Variants in MYO9A observed in about 807,000 individuals in gnomAD.
The protein encoded by MYO9A is myosin IXA.
MYO9A carries 103 observed loss-of-function variants against 293.3 expected under a neutral mutation model. That is an observed-to-expected ratio of 0.35 (90% CI 0.30 to 0.41). MYO9A has a LOEUF of 0.41. Among genes scored for constraint, MYO9A ranks in the 10% least tolerant of loss-of-function variants. MYO9A has a pLI of 1.00. For missense variants in MYO9A, 2,685 were observed against 3,033.0 expected (o/e 0.89, Z 2.69); for synonymous variants, 1,001 against 1,035.7 (o/e 0.97, Z 0.64).
intron 13 of MYO9A, among the ~76,000 whole-genome samples, chr15:71,966,483 T>C (rs1459231234): frequency 6.6e-6 from 1 of 152,152 alleles, no homozygotes; most frequent in Non-Finnish European, 1.5e-5. Flanking sequence ...AGCTTTTGTT[T>C]TACTTTTTAA....
intron 26 of MYO9A, among the ~76,000 whole-genome samples, chr15:71,889,115 G>C (rs1331924188): frequency 6.6e-6 from 1 of 152,160 alleles, no homozygotes; most frequent in Non-Finnish European, 1.5e-5. Context: ...ACAGTGACTA[G>C]AGACCAAAAG....
intron 15 of MYO9A, among the ~76,000 whole-genome samples, chr15:71,942,320 G>C (rs2058799706): frequency 6.6e-6 from 1 of 151,898 alleles, no homozygotes; most frequent in South Asian, 2.1e-4. Context: ...AGAGAATAAG[G>C]ATAAATTTTG....
At chr15:72,032,726 TC>T (rs2077913487) in intron 2 of MYO9A, 138 bp from the exon 3 acceptor site, 1 of 476,226 alleles carries the variant, frequency 2.1e-6, no homozygotes, top group South Asian at 5.7e-5. Flanking sequence ...GCTTGTATGT[TC>T]AGACTCATTC....
chr15:71,836,101 G>A (rs1235974605), intron 39 of MYO9A, among the ~76,000 whole-genome samples: 1 of 151,956 alleles, frequency 6.6e-6, no homozygotes, highest in African/African-American at 2.4e-5. Context: ...GCAAACCATA[G>A]AATGGAAGAA....
chr15:72,041,109 G>A (rs1374533651), intron 2 of MYO9A: 9 of 555,786 alleles, frequency 1.6e-5, no homozygotes, highest in Non-Finnish European at 2.7e-5. Context: ...GCCAGGTGTG[G>A]TGGTACATGC....
At chr15:72,066,085 A>C (rs1034330176) in intron 1 of MYO9A, among the ~76,000 whole-genome samples, 1 of 152,238 alleles carries the variant, frequency 6.6e-6, no homozygotes, top group East Asian at 1.9e-4. Flanking sequence ...ACTGGTGCAC[A>C]TAAGAAGATG....
chr15:72,078,785 A>G (rs1190557989), intron 1 of MYO9A, among the ~76,000 whole-genome samples: 1 of 152,246 alleles, frequency 6.6e-6, no homozygotes, highest in Non-Finnish European at 1.5e-5. Context: ...ACAATAGAAT[A>G]TATTTCAGCA....
In MYO9A at chr15:71,883,492, C is replaced by T. The variant is rs2056933372; in HGVS notation, c.5398+102G>A. The T allele has an allele frequency of 4.8e-6, 6 of 1,252,258 alleles. No homozygotes were observed. The Admixed American group carries it at 1.0e-4, about 21-fold the overall frequency. 77.6% of individuals were successfully genotyped at this position (1,252,258 alleles called of 1,614,324 possible). A position where few individuals can be genotyped will look rare whatever the true frequency, so the allele number is the denominator to read the frequency against. ...GCTGGTCCTATCTCATTAGAACATC[C>T]AGCCAACAGGATTGACATTATGAAT... is the stretch of plus-strand genomic sequence containing the variant. On this transcript the variant is annotated intron_variant, in intron 28 of 41. Coordinates refer to ENST00000356056, the MANE Select transcript of MYO9A (RefSeq NM_006901.4).
chr15:71,838,786 GTTTAAGACATTATTAGGCT>G (rs1328559705), intron 39 of MYO9A, among the ~76,000 whole-genome samples: 1 of 152,126 alleles, frequency 6.6e-6, no homozygotes, highest in Non-Finnish European at 1.5e-5. Context: ...TCAGGAAGCA[GTTTAAGACATTATTAGGCT>G]TATAGAGAGC....
At chr15:71,850,425 G>C (rs1214012441) in intron 37 of MYO9A, among the ~76,000 whole-genome samples, 1 of 152,126 alleles carries the variant, frequency 6.6e-6, no homozygotes, top group Non-Finnish European at 1.5e-5. Context: ...AGGGAAATTT[G>C]TGACCTACCT....
intron 8 of MYO9A, among the ~76,000 whole-genome samples, chr15:72,002,819 A>C (rs1425858582): frequency 6.6e-6 from 1 of 152,196 alleles, no homozygotes; most frequent in Non-Finnish European, 1.5e-5. Context: ...TTATTACTTG[A>C]GTGGGGCTGT....
At chr15:72,013,079 C>G (rs1366898633) in intron 6 of MYO9A, among the ~76,000 whole-genome samples, 4 of 152,006 alleles carry the variant, frequency 2.6e-5, no homozygotes, top group Admixed American at 6.6e-5. Flanking sequence ...ATTTGGGCTC[C>G]CTGGGAGGCA....
intron 26 of MYO9A, chr15:71,890,134 TA>T (rs2057135867): frequency 6.6e-6 from 1 of 152,220 alleles, no homozygotes; most frequent in African/African-American, 2.4e-5. Flanking sequence ...AATAAGCTAA[TA>T]AACAGCTTTG....
At chr15:72,107,840 AG>A (rs2080630154) in intron 1 of MYO9A, among the ~76,000 whole-genome samples, 1 of 151,670 alleles carries the variant, frequency 6.6e-6, no homozygotes, top group Non-Finnish European at 1.5e-5. Context: ...ATACAACAAA[AG>A]TCATGAGACC....
intron 1 of MYO9A, among the ~76,000 whole-genome samples, chr15:72,065,187 A>G (rs995101908): frequency 6.6e-6 from 1 of 152,174 alleles, no homozygotes; most frequent in African/African-American, 2.4e-5. Context: ...CATGAAAGGT[A>G]ATAAAATTAA....
chr15:71,899,668 T>G lies in MYO9A; in HGVS notation c.3470+19A>C. 1 of 1,575,756 alleles carries G rather than the reference T, an allele frequency of 6.3e-7. No individual in the cohort carries two copies. The highest frequency in any genetic ancestry group is 1.2e-5 in the South Asian group (1 of 84,754). The stretch of plus-strand genomic sequence containing the variant: ...TTGGGAAGAAGAAAAAAAGCAATTA[T>G]TATAGTAATAGAGATTACCTTTGTC... On this transcript the variant is annotated intron_variant, in intron 24 of 41. Coordinates refer to ENST00000356056, the MANE Select transcript of MYO9A (RefSeq NM_006901.4).
intron 25 of MYO9A, chr15:71,896,881 G>A (rs1596133399): frequency 1.3e-5 from 2 of 152,136 alleles, no homozygotes; most frequent in East Asian, 1.9e-4. Flanking sequence ...ACAAGGAAAA[G>A]CAGAGTTGTT....
chr15:71,882,223 G>A (rs2056893302), intron 28 of MYO9A, among the ~76,000 whole-genome samples: 1 of 152,110 alleles, frequency 6.6e-6, no homozygotes, highest in South Asian at 2.1e-4. Flanking sequence ...TTTAGTCAAT[G>A]CTGGTATTTC....
intron 1 of MYO9A, 29 bp downstream of exon 1, chr15:72,117,651 G>A (rs2081047663): frequency 2.5e-6 from 1 of 395,774 alleles, no homozygotes; most frequent in Non-Finnish European, 4.5e-6. Flanking sequence ...ACGGGCTGCA[G>A]GGCCGCTGGG....
Sources: gnomAD v4.1 joint callset for allele counts (sites outside exome capture counted in the v4.1 genomes callset) on GRCh38, gnomAD v4.1.1 for gene constraint, MANE v1.5 for transcripts, NCBI Gene and HGNC (gene_info 2026-07-23, HGNC 2026-07-21) for gene names.